The following RSPH9 variants were observed in gnomAD, a reference collection of about 807,000 sequenced individuals.
RSPH9 encodes radial spoke head component 9.
Under a neutral mutation model 27.0 loss-of-function variants are expected in RSPH9, and 27 were observed. The ratio of observed to expected loss-of-function variants is 1.00; its 90% CI spans 0.74 to 1.38. The LOEUF (loss-of-function observed/expected upper bound fraction) is 1.38. RSPH9 is among the 40% of genes most tolerant of loss of function. RSPH9 has a pLI of 0.00. For missense variants in RSPH9, 347 were observed against 357.4 expected, an observed-to-expected ratio of 0.97 and a Z score of 0.24; for synonymous variants, 145 against 147.7, an observed-to-expected ratio of 0.98 and a Z score of 0.13.
chr6:43,669,148 G>A (rs1039120100), intron 4 of RSPH9, among the ~76,000 whole-genome samples: 2 of 152,186 alleles, frequency 1.3e-5, no homozygotes, highest in Admixed American at 1.3e-4. Context: ...CCGGAGCCCC[G>A]CTAACACAGG....
At chr6:43,651,929 C>A (rs1561938275) in intron 2 of RSPH9, among the ~76,000 whole-genome samples, 1 of 152,112 alleles carries the variant, frequency 6.6e-6, no homozygotes, top group Non-Finnish European at 1.5e-5. Flanking sequence ...CAAGTAGAGT[C>A]TGGATCAGAA....
At chr6:43,650,694 C>G (rs577235604) in intron 2 of RSPH9, among the ~76,000 whole-genome samples, 154 bp downstream of exon 2, 1 of 152,072 alleles carries the variant, frequency 6.6e-6, no homozygotes, top group East Asian at 1.9e-4. Flanking sequence ...ATCATGAGGT[C>G]AGGAGATTGA....
intron 4 of RSPH9, among the ~76,000 whole-genome samples, chr6:43,670,585 G>A (rs1258323665): frequency 4.6e-5 from 7 of 152,224 alleles, no homozygotes; most frequent in Non-Finnish European, 1.5e-5. Context: ...CTGGGTGACA[G>A]AGTGAGACCA....
intron 4 of RSPH9, among the ~76,000 whole-genome samples, chr6:43,662,954 G>A (rs7752104): frequency 0.17 from 26,048 of 151,290 alleles, 5,069 homozygotes; most frequent in African/African-American, 0.49. Flanking sequence ...ATAGGTGTGT[G>A]CACCATACCT....
At chr6:43,662,816 A>G (rs1398849810) in intron 4 of RSPH9, among the ~76,000 whole-genome samples, 1 of 152,126 alleles carries the variant, frequency 6.6e-6, no homozygotes, top group African/African-American at 2.4e-5. Context: ...TTGGTTTTAG[A>G]GACAGGGTCT....
intron 2 of RSPH9, 105 bp downstream of exon 2, chr6:43,650,645 G>A (rs766068667): frequency 2.3e-4 from 275 of 1,218,974 alleles, no homozygotes; most frequent in Middle Eastern, 1.5e-3. Context: ...GGTGGCTCAC[G>A]CCTGTAATCT....
chr6:43,670,649 T>A (rs1582403124), intron 4 of RSPH9, 140 bp from the exon 5 acceptor site: 2 of 662,712 alleles, frequency 3.0e-6, no homozygotes, highest in East Asian at 2.7e-5. Context: ...GAGTAAAGCA[T>A]CTGGAGAATT....
intron 1 of RSPH9, among the ~76,000 whole-genome samples, chr6:43,649,502 G>A (rs910698704): frequency 6.6e-6 from 1 of 152,014 alleles, no homozygotes; most frequent in South Asian, 2.1e-4. Context: ...ATGTTAAGGG[G>A]GAACTGGTGG....
intron 4 of RSPH9, among the ~76,000 whole-genome samples, chr6:43,659,625 G>A (rs968553683): frequency 4.6e-5 from 7 of 151,994 alleles, no homozygotes; most frequent in African/African-American, 7.2e-5. Flanking sequence ...CTCGTGATCC[G>A]CCTGCCTCAG....
intron 1 of RSPH9, among the ~76,000 whole-genome samples, chr6:43,647,129 A>G (rs1770967990): frequency 1.5e-5 from 2 of 136,184 alleles, no homozygotes; most frequent in African/African-American, 5.0e-5. Flanking sequence ...ACCCTGTCTC[A>G]AAACAAATAA....
intron 4 of RSPH9, among the ~76,000 whole-genome samples, chr6:43,658,311 G>A (rs139829581): frequency 0.07 from 6,852 of 98,364 alleles, 178 homozygotes; most frequent in East Asian, 0.19. Flanking sequence ...AAAAAAAAAA[G>A]AAAAAAAAAA....
At chr6:43,666,271 T>A (rs913701188) in intron 4 of RSPH9, among the ~76,000 whole-genome samples, 4 of 152,216 alleles carry the variant, frequency 2.6e-5, no homozygotes. Flanking sequence ...CTGAGCTGCT[T>A]GGAGGCTCCC....
At position 43,653,532 on chromosome 6, in the gene RSPH9, C is replaced by T. The variant is rs151304965; in HGVS notation, c.394-2030C>T. On this transcript the variant is annotated intron_variant, in intron 2 of 4. Transcript: ENST00000372163. ...AAGTCAATTCCTGGAAATAGACTTGCTAAGTTAACAAGTAAGGAGCCTATG... is the reference window on the plus strand; with the variant it reads ...AAGTCAATTCCTGGAAATAGACTTGTTAAGTTAACAAGTAAGGAGCCTATG... Among the ~76,000 whole-genome samples, 943 of 151,736 alleles carry T rather than the reference C, an allele frequency of 6.2e-3. 15 individuals carry two copies. The highest frequency in any genetic ancestry group is 0.039 in the South Asian group (188 of 4,804).
intron 4 of RSPH9, chr6:43,666,645 TC>T (rs1452743224): frequency 1.6e-6 from 1 of 620,114 alleles, no homozygotes; most frequent in Non-Finnish European, 2.8e-6. Context: ...TCCGCAAAGT[TC>T]CATGGGAGTG....
At position 43,672,463 on chromosome 6, in the gene RSPH9, T is replaced by G. The variant is rs1158922435; in HGVS notation, c.*1514T>G. On this transcript the variant is annotated 3_prime_UTR_variant, in exon 5 of 5. Transcript: ENST00000372163. ...AAGGTTCCTGTAAATAGGAGGGGGG[T>G]GGGGAAAGATGGCTGCCGCCCATGG... The G allele has an allele frequency of 2.1e-6, 1 of 468,896 alleles. No individual in the cohort carries two copies. The highest frequency in any genetic ancestry group is 4.4e-6 in the Non-Finnish European group (1 of 225,998). The allele number at this position is 468,896 out of a possible 1,614,324, so 29.0% of individuals were successfully genotyped here. A position where few individuals can be genotyped will look rare whatever the true frequency, so the allele number is the denominator to read the frequency against.
chr6:43,660,034 C>T (rs901379852), intron 4 of RSPH9, among the ~76,000 whole-genome samples: 6 of 144,086 alleles, frequency 4.2e-5, no homozygotes, highest in African/African-American at 1.3e-4. Flanking sequence ...CATGCCCAGC[C>T]TGGCCTTTTT....
At chr6:43,653,628 T>C (rs1276403031) in intron 2 of RSPH9, among the ~76,000 whole-genome samples, 1 of 152,166 alleles carries the variant, frequency 6.6e-6, no homozygotes, top group Non-Finnish European at 1.5e-5. Context: ...GCCGAAAGTC[T>C]GAGTCTAGGT....
At position 43,650,464 on chromosome 6, in the gene RSPH9, A is replaced by T; in HGVS notation, c.317A>T (p.Asp106Val). Residue 106 changes from aspartate to valine, a missense_variant, in exon 2 of 5, where the codon GAC becomes GTC. Coordinates refer to ENST00000372163, the MANE Select transcript of RSPH9 (RefSeq NM_152732.5). ...SSVVKGRFMG[D>V]PSYEYEHTEL... is the part of the protein sequence containing the mutation. ...GTGGTGAAGGGCCGCTTCATGGGGG[A>T]CCCATCATACGAATATGAACACACT... 1 of 1,614,194 alleles carries T rather than the reference A, an allele frequency of 6.2e-7. No homozygotes were observed. The highest frequency in any genetic ancestry group is 1.1e-5 in the South Asian group (1 of 91,088).
chr6:43,659,834 G>A (rs966742743), intron 4 of RSPH9, among the ~76,000 whole-genome samples: 7 of 151,842 alleles, frequency 4.6e-5, no homozygotes, highest in African/African-American at 1.2e-4. Context: ...CCGGGTTCAC[G>A]CCATTCTCCT....
Sources: gnomAD v4.1 joint callset for allele counts (sites outside exome capture counted in the v4.1 genomes callset) on GRCh38, gnomAD v4.1.1 for gene constraint, MANE v1.5 for transcripts, NCBI Gene and HGNC (gene_info 2026-07-23, HGNC 2026-07-21) for gene names.